The following TMEM64 variants were observed in gnomAD, a reference collection of about 807,000 sequenced individuals.
TMEM64 encodes the protein transmembrane protein 64.
Under a neutral mutation model 24.5 loss-of-function variants are expected in TMEM64, and 19 were observed. That is an observed-to-expected ratio of 0.78 (90% confidence interval 0.54 to 1.14). The LOEUF (loss-of-function observed/expected upper bound fraction) is 1.14. Ranked by LOEUF, TMEM64 falls within the 50% of genes most tolerant of loss-of-function variation. The pLI is 0.00. For missense variants in TMEM64, 487 were observed against 493.0 expected (o/e 0.99, Z 0.12); for synonymous variants, 262 against 224.7 (o/e 1.17, Z -1.49).
At chr8:90,636,929 T>C (rs551871933) in intron 1 of TMEM64, among the ~76,000 whole-genome samples, 4 of 152,322 alleles carry the variant, frequency 2.6e-5, no homozygotes, top group African/African-American at 9.6e-5. Context: ...CACCAACTGA[T>C]TGCTGTCATC....
rs1300662835 is a variant in TMEM64 at position 90,631,703 on chromosome 8, G to C, written c.800C>G (p.Thr267Ser). Residue 267 changes from threonine to serine, a missense_variant, in exon 2 of 3, where the codon ACT becomes AGT. By Grantham distance (58) the Thr-to-Ser change is moderately conservative. Transcript: ENST00000458549. ...CAGATAGTTGGGTAATGAGAGATCA[G>C]TAATCTAGAAGAGTAGATTAAAGGG... ...FGLQNAVFSI[T>S]DLSLPNYLMA... The C allele has an allele frequency of 6.2e-7, 1 of 1,611,436 alleles. No individual in the cohort carries two copies. The highest frequency in any genetic ancestry group is 8.5e-7 in the Non-Finnish European group (1 of 1,178,140).
chr8:90,634,968 A>G (rs913348362), intron 1 of TMEM64, among the ~76,000 whole-genome samples: 1 of 152,330 alleles, frequency 6.6e-6, no homozygotes, highest in Middle Eastern at 3.4e-3. Context: ...GAGATGCATC[A>G]CTGCTGATTT....
chr8:90,645,923 G>A lies in TMEM64; in HGVS notation c.-18C>T. 2 of 1,134,132 alleles carry A rather than the reference G, an allele frequency of 1.8e-6. No individual in the cohort carries two copies. Among genetic ancestry groups the A allele is most frequent in the East Asian group, 4.3e-5 (1 of 23,324 alleles). The allele number at this position is 1,134,132 out of a possible 1,614,324, so 70.3% of individuals were successfully genotyped here. On this transcript the variant is annotated 5_prime_UTR_variant, in exon 1 of 3. Coordinates refer to ENST00000458549, the MANE Select transcript of TMEM64 (RefSeq NM_001008495.4). The surrounding 1 kb of genome is among the most constrained non-coding windows in gnomAD (Gnocchi z 4.2). ...CTCCGCATGCCTCGGCCCAGCGCGG[G>A]CCCTCAGCCGGCCAGCCCCTCCGCC...
rs1338268304 is a variant in TMEM64 at position 90,645,849 on chromosome 8, G to T, written c.57C>A (p.Ala19=). The part of the protein sequence containing the change: ...LQALPRLLQH[A]ALPGLAELPA... The stretch of plus-strand genomic sequence containing the variant: ...GCAGCTCGGCGAGGCCCGGGAGGGC[G>T]GCGTGCTGCAGCAGCCGGGGCAGCG... The change falls in exon 1 of 3, where the codon GCC becomes GCA. Residue 19 remains alanine, a synonymous_variant. Coordinates refer to ENST00000458549, the MANE Select transcript of TMEM64 (RefSeq NM_001008495.4). This position sits in a 1 kb window ranked among gnomAD's most constrained non-coding sequence, Gnocchi z 4.2. 8.9e-7 allele frequency: 1 copy of T among 1,121,074 alleles called. No homozygotes were observed. Among genetic ancestry groups the T allele is most frequent in the Non-Finnish European group, 1.1e-6 (1 of 917,560 alleles). 69.4% of individuals were successfully genotyped at this position (1,121,074 alleles called of 1,614,324 possible). A position where few individuals can be genotyped will look rare whatever the true frequency, so the allele number is the denominator to read the frequency against.
At chr8:90,639,021 C>T (rs1333788034) in intron 1 of TMEM64, among the ~76,000 whole-genome samples, 1 of 151,798 alleles carries the variant, frequency 6.6e-6, no homozygotes, top group Non-Finnish European at 1.5e-5. Context: ...TTCCAGAAAC[C>T]GCCATGGTGA....
chr8:90,625,918 T>C, intron 2 of TMEM64, 56 bp from the exon 3 acceptor site: 1 of 1,307,522 alleles, frequency 7.6e-7, no homozygotes, highest in African/African-American at 1.5e-5. Context: ...AAAAAAGAAA[T>C]AAATCCAATA....
At chr8:90,644,923 A>G (rs1809665446) in intron 1 of TMEM64, among the ~76,000 whole-genome samples, 188 bp downstream of exon 1, 1 of 152,214 alleles carries the variant, frequency 6.6e-6, no homozygotes, top group Non-Finnish European at 1.5e-5. Context: ...CTCTCTTTCG[A>G]GGCTCCGCGT....
At chr8:90,641,557 T>C (rs1809604613) in intron 1 of TMEM64, among the ~76,000 whole-genome samples, 1 of 152,182 alleles carries the variant, frequency 6.6e-6, no homozygotes, top group African/African-American at 2.4e-5. Context: ...ATAACTGGAA[T>C]CAGGATGTGT....
At chr8:90,644,057 A>C (rs1186771890) in intron 1 of TMEM64, among the ~76,000 whole-genome samples, 1 of 152,256 alleles carries the variant, frequency 6.6e-6, no homozygotes, top group Non-Finnish European at 1.5e-5. Context: ...AAAATAATGC[A>C]TCAGAATCAC....
At chr8:90,631,756 A>G (rs1247188944) in intron 1 of TMEM64, 49 bp from the exon 2 acceptor site, 11 of 1,518,694 alleles carry the variant, frequency 7.2e-6, no homozygotes, top group Non-Finnish European at 9.0e-6. Flanking sequence ...TAAAATTTCA[A>G]TTCAACATAA....
intron 1 of TMEM64, among the ~76,000 whole-genome samples, chr8:90,639,393 C>A (rs1476341812): frequency 6.6e-5 from 10 of 152,108 alleles, no homozygotes; most frequent in Admixed American, 5.2e-4. Flanking sequence ...CACATACACA[C>A]AGAGGCCTTG....
Position 90,625,632 on chromosome 8 carries a change from A to G in TMEM64, c.*39T>C, listed in dbSNP as rs566720589. 18 of 1,558,054 alleles carry G rather than the reference A, an allele frequency of 1.2e-5. No homozygotes were observed. The African/African-American group carries it at 1.6e-4, about 14-fold the overall frequency. On this transcript the variant is annotated 3_prime_UTR_variant, in exon 3 of 3. Transcript: ENST00000458549. ...GTGAAGTGACTGCTAGACCTTAGAT[A>G]GCACACTAGGCTCTTGACAATCACG...
At chr8:90,637,762 T>C (rs1809545389) in intron 1 of TMEM64, among the ~76,000 whole-genome samples, 1 of 152,152 alleles carries the variant, frequency 6.6e-6, no homozygotes, top group Admixed American at 6.6e-5. Flanking sequence ...CCTATTAATA[T>C]TTCAGAAAAA....
At chr8:90,640,058 A>G (rs146599734) in intron 1 of TMEM64, among the ~76,000 whole-genome samples, 8 of 152,366 alleles carry the variant, frequency 5.3e-5, no homozygotes, top group African/African-American at 1.4e-4. Context: ...AACTGCATTC[A>G]GTGGTATTGT....
Position 90,645,059 on chromosome 8 carries a change from G to C in TMEM64, c.795+52C>G. On this transcript the variant is annotated intron_variant, in intron 1 of 2. Coordinates refer to ENST00000458549, the MANE Select transcript of TMEM64 (RefSeq NM_001008495.4). This position sits in a 1 kb window ranked among gnomAD's most constrained non-coding sequence, Gnocchi z 4.2. ...GAGCGCCCTCCTAGGGCCGCCACAA[G>C]ACCGCTCAAAAACAGACTTGGAGAG... The C allele has an allele frequency of 6.4e-7, 1 of 1,553,056 alleles. No homozygotes were observed. The highest frequency in any genetic ancestry group is 8.7e-7 in the Non-Finnish European group (1 of 1,143,150).
Position 90,645,294 on chromosome 8 carries a change from G to C in TMEM64, c.612C>G (p.Ile204Met). 6.3e-7 allele frequency: 1 copy of C among 1,592,126 alleles called. No homozygotes were observed. Among genetic ancestry groups the C allele is most frequent in the Non-Finnish European group, 8.6e-7 (1 of 1,168,972 alleles). The change falls in exon 1 of 3, where the codon ATC (isoleucine) becomes ATG (methionine). Residue 204 changes from isoleucine to methionine, a missense_variant. By Grantham distance (10) the Ile-to-Met change is conservative. Coordinates refer to ENST00000458549, the MANE Select transcript of TMEM64 (RefSeq NM_001008495.4). This position sits in a 1 kb window ranked among gnomAD's most constrained non-coding sequence, Gnocchi z 4.2. ...GMGLMMVGVL[I>M]GTFIAHVVCK... ...AGACCACATGGGCGATGAAGGTGCCGATGAGGACGCCCACCATCATCAGAC... is the reference window on the plus strand; with the variant it reads ...AGACCACATGGGCGATGAAGGTGCCCATGAGGACGCCCACCATCATCAGAC...
rs938205060 is a variant in TMEM64 at position 90,623,760 on chromosome 8, A to C, written c.*1911T>G. 1 of 152,538 alleles carries C rather than the reference A, an allele frequency of 6.6e-6. No homozygotes were observed. Among genetic ancestry groups the C allele is most frequent in the African/African-American group, 2.4e-5 (1 of 41,446 alleles). 9.4% of individuals were successfully genotyped at this position (152,538 alleles called of 1,614,324 possible). On this transcript the variant is annotated 3_prime_UTR_variant, in exon 3 of 3. Coordinates refer to ENST00000458549, the MANE Select transcript of TMEM64 (RefSeq NM_001008495.4). ...TACTTCAAAATACGTGAAGTGTAAA[A>C]CAAGTATGAAAACAGTGATCTTAAA...
In TMEM64 at chr8:90,623,566, A is replaced by C. The variant is rs1399523201; in HGVS notation, c.*2105T>G. 1 of 152,584 alleles carries C rather than the reference A, an allele frequency of 6.6e-6. No homozygotes were observed. Among genetic ancestry groups the C allele is most frequent in the Non-Finnish European group, 1.5e-5 (1 of 67,984 alleles). 9.5% of individuals were successfully genotyped at this position (152,584 alleles called of 1,614,324 possible). A position where few individuals can be genotyped will look rare whatever the true frequency, so the allele number is the denominator to read the frequency against. ...ATTTTAAGAAAAAAATGGATGATTT[A>C]TTATATAAAATTAAGATTGGCAGAA... On this transcript the variant is annotated 3_prime_UTR_variant, in exon 3 of 3. Transcript: ENST00000458549.
chr8:90,625,904 A>G, intron 2 of TMEM64, 42 bp from the exon 3 acceptor site: 6 of 1,416,850 alleles, frequency 4.2e-6, no homozygotes, highest in Non-Finnish European at 5.7e-6. Context: ...AATATTTTAT[A>G]CAAAAAAAAG....
Sources: allele counts gnomAD v4.1 joint callset (sites outside exome capture counted in the v4.1 genomes callset), GRCh38; gene constraint gnomAD v4.1.1; non-coding constraint Gnocchi (gnomAD v3.1); transcripts MANE v1.5; gene names NCBI Gene and HGNC (gene_info 2026-07-23, HGNC 2026-07-21).